The following RNF6 variants were observed in gnomAD, a reference collection of about 807,000 sequenced individuals.
RNF6 encodes the protein ring finger protein 6, also known as E3 ubiquitin-protein ligase RNF6.
A neutral mutation model predicts 50.1 loss-of-function variants in RNF6; 21 were observed. The ratio of observed to expected loss-of-function variants is 0.42; its 90% confidence interval spans 0.30 to 0.60. The LOEUF (loss-of-function observed/expected upper bound fraction) is 0.60, where lower values mean the gene tolerates loss of function less well. Ranked by LOEUF, RNF6 falls within the 20% of genes least tolerant of loss-of-function variation. The probability of loss-of-function intolerance (pLI) is 0.20; values close to 1 mark genes in which losing one functional copy is unlikely to be tolerated. For synonymous variants in RNF6, 255 were observed against 291.8 expected (o/e 0.87, Z 1.29); for missense variants, 698 against 838.2 (o/e 0.83, Z 2.07).
chr13:26,145,454 G>A (rs1395806816), intron 5 of RNF6, among the ~76,000 whole-genome samples: 1 of 151,384 alleles, frequency 6.6e-6, no homozygotes, highest in East Asian at 1.9e-4. Context: ...ATGGGGAGGG[G>A]GGGGGACTTC....
In RNF6 at chr13:26,214,552, T is replaced by A. The variant is rs747792075; in HGVS notation, c.1330A>T (p.Thr444Ser). 1.4e-5 allele frequency: 22 copies of A among 1,614,200 alleles called. No individual in the cohort carries two copies. Among genetic ancestry groups the A allele is most frequent in the Non-Finnish European group, 1.9e-5 (22 of 1,180,036 alleles). The change falls in exon 5 of 5, where the codon ACC (threonine) becomes TCC (serine). Residue 444 changes from threonine (T) to serine (S), a missense_variant. Physicochemically the swap from Thr to Ser is moderately conservative, Grantham distance 58 (BLOSUM62 1). Coordinates refer to ENST00000381588, the MANE Select transcript of RNF6 (RefSeq NM_005977.4). ...IESNSGGFRR[T>S]ISRLERSGIR... ...CCTGACCGCTCTAAACGAGAAATGG[T>A]TCGGCGAAAGCCCCCACTATTGCTT...
In RNF6 at chr13:26,145,372, C is replaced by T. The variant is rs7327946; in HGVS notation, n.769-12921G>A. Among the ~76,000 whole-genome samples, 561 of 151,062 alleles carry T rather than the reference C, an allele frequency of 3.7e-3. 7 individuals are homozygous for T. Among genetic ancestry groups the T allele is most frequent in the South Asian group, 0.028 (133 of 4,750 alleles). ...TGGGTGATCTGGTTTGGCTTTGTGT[C>T]CCCACCCAAATCTCATGTTGAATTG... On this transcript the variant is annotated intron_variant and non_coding_transcript_variant, in intron 5 of 5. Transcript: ENST00000468480.
chr13:26,186,721 G>C (rs1191801839), intron 5 of RNF6, among the ~76,000 whole-genome samples: 1 of 152,238 alleles, frequency 6.6e-6, no homozygotes, highest in East Asian at 1.9e-4. Flanking sequence ...TCCCGGGGGC[G>C]CTAGAGCGCC....
intron 5 of RNF6, among the ~76,000 whole-genome samples, chr13:26,140,917 C>T (rs1267992181): frequency 6.6e-6 from 1 of 152,094 alleles, no homozygotes; most frequent in Non-Finnish European, 1.5e-5. Context: ...AGAAATACAT[C>T]TAAGGAGGTG....
intron 5 of RNF6, among the ~76,000 whole-genome samples, chr13:26,140,027 A>G (rs1044122812): frequency 6.6e-6 from 1 of 152,164 alleles, no homozygotes; most frequent in Non-Finnish European, 1.5e-5. Context: ...AACTATTGGC[A>G]TATAAAATGT....
intron 5 of RNF6, among the ~76,000 whole-genome samples, chr13:26,139,299 C>T (rs1463631423): frequency 1.3e-5 from 2 of 152,140 alleles, no homozygotes. Context: ...GAGGACTGAC[C>T]ATTCCTAAGC....
At chr13:26,206,816 A>G (rs546760185) in intron 5 of RNF6, among the ~76,000 whole-genome samples, 40 of 152,230 alleles carry the variant, frequency 2.6e-4, no homozygotes, top group Non-Finnish European at 5.1e-4. Flanking sequence ...CAAGGGGTTC[A>G]CAGTCCTTTG....
In RNF6 at chr13:26,214,256, G is replaced by T. The variant is rs1869578099; in HGVS notation, c.1626C>A (p.Ala542=). Residue 542 remains alanine (A), a synonymous_variant, in exon 5 of 5, where the codon GCC becomes GCA. Coordinates refer to ENST00000381588, the MANE Select transcript of RNF6 (RefSeq NM_005977.4). ...HREGSSQDRQ[A]QGDSTEMHGE... ...CATGCATTTCAGTGCTGTCTCCTTG[G>T]GCCTGCCTGTCTTGAGAGGAACCTT... 6.2e-7 allele frequency: 1 copy of T among 1,614,076 alleles called. No individual in the cohort carries two copies. The highest frequency in any genetic ancestry group is 2.2e-5 in the East Asian group (1 of 44,868).
At chr13:26,140,873 CAT>C (rs1459638565) in intron 5 of RNF6, among the ~76,000 whole-genome samples, 1 of 152,128 alleles carries the variant, frequency 6.6e-6, no homozygotes, top group Non-Finnish European at 1.5e-5. Context: ...AATGCAATCC[CAT>C]TTACAATAGC....
chr13:26,132,930 G>A (rs945141149), intron 5 of RNF6, among the ~76,000 whole-genome samples: 1 of 152,022 alleles, frequency 6.6e-6, no homozygotes, highest in African/African-American at 2.4e-5. Flanking sequence ...GCGGTGGGGG[G>A]TGCCAGAATT....
At chr13:26,181,912 A>G (rs1873261372) in intron 5 of RNF6, among the ~76,000 whole-genome samples, 1 of 152,188 alleles carries the variant, frequency 6.6e-6, no homozygotes, top group African/African-American at 2.4e-5. Flanking sequence ...TTTCTCTTCA[A>G]TTCTCAATCA....
At position 26,219,462 on chromosome 13, in the gene RNF6, G is replaced by T. The variant is rs368967597; in HGVS notation, c.188C>A (p.Thr63Asn). 5 of 1,601,940 alleles carry T rather than the reference G, an allele frequency of 3.1e-6. No homozygotes were observed. Among genetic ancestry groups the T allele is most frequent in the Non-Finnish European group, 4.3e-6 (5 of 1,172,418 alleles). Residue 63 changes from threonine to asparagine, a missense_variant, in exon 3 of 5, where the codon ACC (threonine) becomes AAC (asparagine). Coordinates refer to ENST00000381588, the MANE Select transcript of RNF6 (RefSeq NM_005977.4). ...RLMRDHNLLG[T>N]PGEITSEELQ... ...CTCTTTTACCCATCTCTTACCAGGG[G>T]TGCCTAAAAGATTATGGTCTCTCAT...
At chr13:26,148,922 C>T (rs1239615555) in intron 5 of RNF6, among the ~76,000 whole-genome samples, 1 of 151,670 alleles carries the variant, frequency 6.6e-6, no homozygotes, top group Non-Finnish European at 1.5e-5. Context: ...TGAAGGCCAG[C>T]ATGCAGGAGG....
chr13:26,214,927 T>C lies in RNF6; in HGVS notation c.955A>G (p.Ser319Gly), dbSNP rs755631745. 80 of 1,614,128 alleles carry C rather than the reference T, an allele frequency of 5.0e-5. No homozygotes were observed. The highest frequency in any genetic ancestry group is 6.7e-5 in the Non-Finnish European group (79 of 1,180,054). The change falls in exon 5 of 5, where the codon AGT (serine) becomes GGT (glycine). Residue 319 changes from serine to glycine, a missense_variant. Coordinates refer to ENST00000381588, the MANE Select transcript of RNF6 (RefSeq NM_005977.4). ...SRSRSPIQRQ[S>G]GTVYHNSQRE... is the part of the protein sequence containing the mutation. The stretch of plus-strand genomic sequence containing the variant: ...TGGGAATTATGATAAACAGTGCCAC[T>C]CTGTCTCTGAATTGGTGAACGGCTT...
chr13:26,172,323 C>G (rs1872730889), intron 5 of RNF6, among the ~76,000 whole-genome samples: 1 of 152,072 alleles, frequency 6.6e-6, no homozygotes, highest in African/African-American at 2.4e-5. Flanking sequence ...AAAATACATC[C>G]CAGATACGCT....
chr13:26,172,125 AAC>A (rs2137635348), intron 5 of RNF6, among the ~76,000 whole-genome samples: 1 of 152,374 alleles, frequency 6.6e-6, no homozygotes, highest in East Asian at 1.9e-4. Context: ...GTTAAAATTA[AAC>A]AGTGACTAGG....
At chr13:26,189,198 G>T (rs1873704258) in intron 5 of RNF6, among the ~76,000 whole-genome samples, 1 of 151,926 alleles carries the variant, frequency 6.6e-6, no homozygotes, top group South Asian at 2.1e-4. Flanking sequence ...TGTGGTGGCG[G>T]GCACCTGTAG....
chr13:26,160,299 A>G (rs1872132846), intron 5 of RNF6, among the ~76,000 whole-genome samples: 1 of 152,130 alleles, frequency 6.6e-6, no homozygotes, highest in Non-Finnish European at 1.5e-5. Flanking sequence ...TAACCTCACT[A>G]CTTTTGACTT....
Position 26,214,500 on chromosome 13 carries a change from G to A in RNF6, c.1382C>T (p.Thr461Ile). ...CTCAGAAATCCTACGAAGAGGAACT[G>A]TTATGGTACTAACATAGGTTCGAAT... The part of the protein sequence containing the change: ...SGIRTYVSTI[T>I]VPLRRISENE... Residue 461 changes from threonine (T) to isoleucine (I), a missense_variant, in exon 5 of 5, where the codon ACA (threonine) becomes ATA (isoleucine). Transcript: ENST00000381588. The A allele has an allele frequency of 6.2e-7, 1 of 1,614,166 alleles. No homozygotes were observed. Among genetic ancestry groups the A allele is most frequent in the Non-Finnish European group, 8.5e-7 (1 of 1,180,052 alleles).
Sources: allele counts gnomAD v4.1 joint callset (sites outside exome capture counted in the v4.1 genomes callset), GRCh38; gene constraint gnomAD v4.1.1; transcripts MANE v1.5; gene names NCBI Gene and HGNC (gene_info 2026-07-23, HGNC 2026-07-21).